Variants in DOCK3 observed in about 807,000 individuals in gnomAD.
DOCK3 encodes dedicator of cytokinesis protein 3.
DOCK3 carries 60 observed loss-of-function variants against 265.6 expected under a neutral mutation model. The observed-to-expected ratio is 0.23, with a 90% CI of 0.18 to 0.28. The LOEUF (loss-of-function observed/expected upper bound fraction) is 0.28. Ranked by LOEUF, DOCK3 falls within the 10% of genes least tolerant of loss-of-function variation. The probability of loss-of-function intolerance (pLI) is 1.00; values close to 1 mark genes in which losing one functional copy is unlikely to be tolerated. For synonymous variants in DOCK3, 881 were observed against 938.0 expected, an observed-to-expected ratio of 0.94 and a Z score of 1.11; for missense variants, 1,981 against 2,594.3, an observed-to-expected ratio of 0.76 and a Z score of 5.14.
chr3:50,920,271 T>C (rs1465974983), intron 4 of DOCK3, among the ~76,000 whole-genome samples: 1 of 152,194 alleles, frequency 6.6e-6, no homozygotes. Context: ...ATAAAATGAA[T>C]TAGAGAGGAT....
chr3:50,883,825 A>G (rs574078770), intron 3 of DOCK3, among the ~76,000 whole-genome samples: 5 of 152,296 alleles, frequency 3.3e-5, no homozygotes, highest in Non-Finnish European at 5.9e-5. Context: ...CACCATTATT[A>G]TGTTTCAAAA....
At chr3:51,322,773 T>C (rs1447239208) in intron 32 of DOCK3, among the ~76,000 whole-genome samples, 1 of 152,170 alleles carries the variant, frequency 6.6e-6, no homozygotes, top group Non-Finnish European at 1.5e-5. Flanking sequence ...GCTAGCATCA[T>C]AATGGCAGGA....
intron 5 of DOCK3, among the ~76,000 whole-genome samples, chr3:50,983,364 G>A (rs1046676476): frequency 5.9e-5 from 9 of 152,126 alleles, no homozygotes; most frequent in Admixed American, 3.9e-4. Flanking sequence ...TGGACTGCTA[G>A]TTGAGGAACT....
rs1191203851 is a variant in DOCK3 at position 51,277,600 on chromosome 3, C to T, written c.2677-8C>T. On this transcript the variant is annotated splice_polypyrimidine_tract_variant and splice_region_variant and intron_variant, in intron 25 of 52. Transcript: ENST00000266037. ...GCTAATGGTGTGCTCTCTTGCTGCT[C>T]GCTCCAGGAGGCAGATGTCATGGAG... is the stretch of plus-strand genomic sequence containing the variant. 3 of 1,524,834 alleles carry T rather than the reference C, an allele frequency of 2.0e-6. No individual in the cohort carries two copies. Among genetic ancestry groups the T allele is most frequent in the African/African-American group, 1.4e-5 (1 of 71,456 alleles). 94.5% of individuals were successfully genotyped at this position (1,524,834 alleles called of 1,614,324 possible).
chr3:50,704,921 G>T (rs1055290825), intron 1 of DOCK3, among the ~76,000 whole-genome samples: 2 of 152,000 alleles, frequency 1.3e-5, no homozygotes, highest in Non-Finnish European at 2.9e-5. Context: ...GAGTCACCAC[G>T]CCCGGCCTCT....
chr3:50,842,852 G>A (rs1392704161), intron 3 of DOCK3, among the ~76,000 whole-genome samples: 1 of 152,186 alleles, frequency 6.6e-6, no homozygotes, highest in Admixed American at 6.5e-5. Flanking sequence ...TGAAAAGTTA[G>A]AACTGGAATA....
rs547676609 is a variant in DOCK3, at chr3:50,804,901, T to G, written c.121+26143T>G. Among the ~76,000 whole-genome samples the G allele has an allele frequency of 7.2e-5, 11 of 152,370 alleles. No individual in the cohort carries two copies. The East Asian group carries it at 2.1e-3, about 29-fold the overall frequency. ...GGCTTATCTATCTTTTTTGAATTTC[T>G]TATTCAAATCATGCGTTGATTTCCC... On this transcript the variant is annotated intron_variant, in intron 2 of 52. Coordinates refer to ENST00000266037, the MANE Select transcript of DOCK3 (RefSeq NM_004947.5).
intron 5 of DOCK3, among the ~76,000 whole-genome samples, chr3:50,958,872 C>T (rs1575611862): frequency 6.6e-6 from 1 of 152,126 alleles, no homozygotes. Context: ...TTTCACATTT[C>T]TGGTTATATT....
intron 14 of DOCK3, among the ~76,000 whole-genome samples, chr3:51,218,247 A>G (rs544808324): frequency 1.3e-5 from 2 of 152,314 alleles, no homozygotes; most frequent in East Asian, 1.9e-4. Flanking sequence ...CAGCCTGGCC[A>G]ATATGGTGAG....
intron 5 of DOCK3, among the ~76,000 whole-genome samples, chr3:51,059,177 G>A (rs1026871013): frequency 1.6e-4 from 24 of 152,052 alleles, no homozygotes; most frequent in Admixed American, 7.2e-4. Flanking sequence ...GAGAACATAC[G>A]GTGTTTGTTT....
chr3:51,358,183 G>A (rs2086490403), intron 46 of DOCK3, 106 bp downstream of exon 46: 2 of 1,176,588 alleles, frequency 1.7e-6, no homozygotes, highest in African/African-American at 1.5e-5. Flanking sequence ...GCCTGGGCAG[G>A]GGCCGGGGTT....
intron 1 of DOCK3, among the ~76,000 whole-genome samples, chr3:50,688,013 A>G (rs952321644): frequency 1.3e-5 from 2 of 152,192 alleles, no homozygotes; most frequent in Admixed American, 6.5e-5. Context: ...GTACCTCAAT[A>G]TCTTCTGCTA....
At chr3:51,010,445 A>G (rs914022948) in intron 5 of DOCK3, among the ~76,000 whole-genome samples, 6 of 150,682 alleles carry the variant, frequency 4.0e-5, no homozygotes, top group African/African-American at 1.5e-4. Context: ...TGCAACCCCT[A>G]CTTTTTTTTT....
Position 51,227,284 on chromosome 3 carries a change from A to G in DOCK3, c.1379A>G (p.Asp460Gly). 1 of 1,613,072 alleles carries G rather than the reference A, an allele frequency of 6.2e-7. No individual in the cohort carries two copies. Among genetic ancestry groups the G allele is most frequent in the Non-Finnish European group, 8.5e-7 (1 of 1,179,450 alleles). The part of the protein sequence containing the change: ...VLYADGEILK[D>G]CISLGSGEPN... Reference sequence around the variant, plus strand: ...TCTTATTTTGTTTCTTTCTTCCAGGATTGCATCAGCTTGGGTTCAGGAGAG... The same window carrying G: ...TCTTATTTTGTTTCTTTCTTCCAGGGTTGCATCAGCTTGGGTTCAGGAGAG... The change falls in exon 16 of 53, where the codon GAT becomes GGT. Residue 460 changes from aspartate to glycine, a missense_variant and splice_region_variant. Around this residue, in one of 4 missense-constraint regions of DOCK3, gnomAD observed 19 missense variants for 43.8 expected, o/e 0.43. Transcript: ENST00000266037.
In DOCK3 at chr3:50,854,592, G is replaced by GTTTTTTTTTT. The variant is rs71084118; in HGVS notation, c.162+12886_162+12895dup. On this transcript the variant is annotated intron_variant, in intron 3 of 52. Coordinates refer to ENST00000266037, the MANE Select transcript of DOCK3 (RefSeq NM_004947.5). Reference sequence around the variant, plus strand: ...GCTACAGATGAGCACCATCACACCAGTTTTTTTTTTTTTTTTTTGGTGGTC... The same window carrying GTTTTTTTTTT: ...GCTACAGATGAGCACCATCACACCAGTTTTTTTTTTTTTTTTTTTTTTTTTTTTGGTGGTC... Among the ~76,000 whole-genome samples, 152 of 47,212 alleles carry GTTTTTTTTTT rather than the reference G, an allele frequency of 3.2e-3. 43 individuals are homozygous for GTTTTTTTTTT. Among genetic ancestry groups the GTTTTTTTTTT allele is most frequent in the African/African-American group, 0.011 (128 of 11,752 alleles). 31.0% of individuals were successfully genotyped at this position (47,212 alleles called of 152,430 possible).
At chr3:50,962,119 T>C (rs2076905546) in intron 5 of DOCK3, among the ~76,000 whole-genome samples, 6 of 152,066 alleles carry the variant, frequency 3.9e-5, no homozygotes, top group Admixed American at 3.9e-4. Context: ...ATCATCTACA[T>C]TAGGTATTTC....
At chr3:51,227,570 CTCAGAGATGGGATG>C (rs1310918275) in intron 16 of DOCK3, 125 bp downstream of exon 16, 1 of 1,367,922 alleles carries the variant, frequency 7.3e-7, no homozygotes, top group African/African-American at 1.5e-5. Context: ...TAAACAGCTA[CTCAGAGATGGGATG>C]TCACCAGAGG....
intron 5 of DOCK3, among the ~76,000 whole-genome samples, chr3:51,004,194 T>C (rs976025449): frequency 1.3e-5 from 2 of 152,090 alleles, no homozygotes; most frequent in African/African-American, 4.8e-5. Context: ...TTTTTCTTTC[T>C]TTCTCTCTCT....
intron 1 of DOCK3, among the ~76,000 whole-genome samples, chr3:50,733,448 G>A (rs2038346244): frequency 6.6e-6 from 1 of 152,100 alleles, no homozygotes; most frequent in African/African-American, 2.4e-5. Flanking sequence ...TTCCCTTCAT[G>A]AATTGACCCC....
Sources: allele counts gnomAD v4.1 joint callset (sites outside exome capture counted in the v4.1 genomes callset), GRCh38; gene constraint gnomAD v4.1.1; regional missense constraint gnomAD v4.1.1; transcripts MANE v1.5; gene names NCBI Gene and HGNC (gene_info 2026-07-23, HGNC 2026-07-21).